The following BANK1 variants were observed in gnomAD, a reference collection of about 807,000 sequenced individuals.
BANK1 encodes the protein B-cell scaffold protein with ankyrin repeats.
BANK1 carries 95 observed loss-of-function variants against 94.5 expected under a neutral mutation model. The ratio of observed to expected loss-of-function variants is 1.00; its 90% CI spans 0.85 to 1.19. The LOEUF (loss-of-function observed/expected upper bound fraction) is 1.19. BANK1 is among the 50% of genes most tolerant of loss of function. The pLI is 0.00. For synonymous variants in BANK1, 334 were observed against 308.4 expected (o/e 1.08, Z -0.87); for missense variants, 987 against 932.2 (o/e 1.06, Z -0.77).
chr4:102,058,817 AAAT>A (rs1275478810), intron 11 of BANK1, among the ~76,000 whole-genome samples: 2 of 151,484 alleles, frequency 1.3e-5, no homozygotes, highest in African/African-American at 4.8e-5. Flanking sequence ...AGTAAAAAAA[AAAT>A]AATAATAATA....
At chr4:101,907,069 T>C (rs755992002) in intron 6 of BANK1, among the ~76,000 whole-genome samples, 3 of 152,148 alleles carry the variant, frequency 2.0e-5, no homozygotes, top group Non-Finnish European at 2.9e-5. Flanking sequence ...GTATCCCTTA[T>C]GGGAAACGAA....
At chr4:101,819,543 A>G (rs1437526848) in intron 1 of BANK1, among the ~76,000 whole-genome samples, 3 of 152,154 alleles carry the variant, frequency 2.0e-5, no homozygotes, top group Non-Finnish European at 4.4e-5. Flanking sequence ...TATATACCCT[A>G]TATATTTCAT....
At chr4:102,009,429 T>C (rs1323450092) in intron 7 of BANK1, among the ~76,000 whole-genome samples, 2 of 152,236 alleles carry the variant, frequency 1.3e-5, no homozygotes, top group South Asian at 4.1e-4. Context: ...CTACTCCTGC[T>C]TTTGAATATT....
chr4:101,936,228 TATATG>T (rs1250321725), intron 7 of BANK1, among the ~76,000 whole-genome samples: 4 of 149,562 alleles, frequency 2.7e-5, no homozygotes, highest in Non-Finnish European at 5.9e-5. Context: ...CATGTACACA[TATATG>T]ATATGTATAC....
chr4:102,022,560 G>A (rs551777145), intron 8 of BANK1, among the ~76,000 whole-genome samples: 17 of 152,222 alleles, frequency 1.1e-4, no homozygotes, highest in African/African-American at 2.9e-4. Context: ...GGCAATGAAC[G>A]GAAATTGTTC....
chr4:101,985,088 G>C (rs1368101367), intron 7 of BANK1, among the ~76,000 whole-genome samples: 1 of 152,126 alleles, frequency 6.6e-6, no homozygotes, highest in East Asian at 1.9e-4. Flanking sequence ...CAGCAAGCTA[G>C]AGACCCAGGA....
chr4:101,916,230 A>C (rs1231459592), intron 6 of BANK1, among the ~76,000 whole-genome samples: 4 of 152,056 alleles, frequency 2.6e-5, no homozygotes, highest in African/African-American at 9.7e-5. Context: ...TGAATTCTTA[A>C]GAACCACAGA....
intron 2 of BANK1, among the ~76,000 whole-genome samples, chr4:101,853,341 G>A (rs1172175529): frequency 6.6e-6 from 1 of 152,144 alleles, no homozygotes; most frequent in African/African-American, 2.4e-5. Context: ...TATGGAGCTG[G>A]TGACTTCTCT....
chr4:101,796,526 A>G (rs1725161816), intron 1 of BANK1, among the ~76,000 whole-genome samples: 1 of 152,336 alleles, frequency 6.6e-6, no homozygotes, highest in Admixed American at 6.5e-5. Flanking sequence ...GTGGTCCTGC[A>G]GATGAGCATA....
At chr4:101,838,868 A>G (rs190319852) in intron 2 of BANK1, among the ~76,000 whole-genome samples, 3 of 152,212 alleles carry the variant, frequency 2.0e-5, no homozygotes, top group Admixed American at 2.0e-4. Context: ...CATCAGTAAC[A>G]TTTTCTTGTT....
chr4:101,955,468 G>A (rs1319821654), intron 7 of BANK1, among the ~76,000 whole-genome samples: 1 of 152,016 alleles, frequency 6.6e-6, no homozygotes, highest in Non-Finnish European at 1.5e-5. Context: ...GTTAGAGCCA[G>A]TGTCTTTTTT....
intron 11 of BANK1, among the ~76,000 whole-genome samples, chr4:102,056,342 C>T (rs1336052388): frequency 1.3e-5 from 2 of 151,984 alleles, no homozygotes; most frequent in African/African-American, 4.8e-5. Flanking sequence ...GCTCCAACAA[C>T]ATATAATTGT....
At chr4:101,989,431 C>CAA (rs899065744) in intron 7 of BANK1, among the ~76,000 whole-genome samples, 538 of 28,286 alleles carry the variant, frequency 0.019, 5 homozygotes, top group African/African-American at 0.028. Context: ...GACTCCGTCT[C>CAA]AAAAAAAAAA....
At position 102,028,345 on chromosome 4, in the gene BANK1, C is replaced by T. The variant is rs1158850829; in HGVS notation, c.1595-1615C>T. On this transcript the variant is annotated intron_variant, in intron 9 of 16. Transcript: ENST00000322953. Reference sequence around the variant, plus strand: ...ATTATTCATAGGATAAAAGGCAAGCCGTGGTGAATTGAAAGTTAGTGCTAG... The same window carrying T: ...ATTATTCATAGGATAAAAGGCAAGCTGTGGTGAATTGAAAGTTAGTGCTAG... Among the ~76,000 whole-genome samples the T allele has an allele frequency of 3.3e-5, 5 of 152,240 alleles. No homozygotes were observed. The East Asian group carries it at 5.8e-4, about 18-fold the overall frequency.
chr4:101,891,226 A>G (rs1721857415), intron 5 of BANK1, among the ~76,000 whole-genome samples: 1 of 152,012 alleles, frequency 6.6e-6, no homozygotes, highest in East Asian at 1.9e-4. Context: ...CTTTATCAGA[A>G]ATGCTTTGAT....
intron 12 of BANK1, chr4:102,061,863 TA>T (rs956462100): frequency 3.3e-5 from 5 of 152,202 alleles, no homozygotes; most frequent in African/African-American, 1.2e-4. Flanking sequence ...ATGCTTATTT[TA>T]AAAAATTATT....
At chr4:101,961,010 T>C (rs1264931338) in intron 7 of BANK1, among the ~76,000 whole-genome samples, 1 of 152,190 alleles carries the variant, frequency 6.6e-6, no homozygotes, top group East Asian at 1.9e-4. Context: ...AAGGAGTTAA[T>C]ATTAGTCAGA....
rs28539474 is a variant in BANK1, at chr4:102,003,648, G to A, written c.1207-17866G>A. On this transcript the variant is annotated intron_variant, in intron 7 of 16. Transcript: ENST00000322953. ...CACTTGTGCCCTTTTTTTAGTCAAG[G>A]TGATCACAAAGGTCCACCCTTTCTC... Among the ~76,000 whole-genome samples the A allele has an allele frequency of 1.9e-3, 282 of 152,152 alleles. 2 individuals are homozygous for A. The highest frequency in any genetic ancestry group is 6.4e-3 in the African/African-American group (264 of 41,500).
chr4:101,998,032 C>T (rs978401955), intron 7 of BANK1, among the ~76,000 whole-genome samples: 1 of 152,100 alleles, frequency 6.6e-6, no homozygotes, highest in African/African-American at 2.4e-5. Flanking sequence ...TAGATCTTTC[C>T]CACTTTCTCC....
Sources: gnomAD v4.1 joint callset for allele counts (sites outside exome capture counted in the v4.1 genomes callset) on GRCh38, gnomAD v4.1.1 for gene constraint, MANE v1.5 for transcripts, NCBI Gene and HGNC (gene_info 2026-07-23, HGNC 2026-07-21) for gene names.